The following DPYSL5 variants were observed in gnomAD, a reference collection of about 807,000 sequenced individuals.
The protein encoded by DPYSL5 is dihydropyrimidinase like 5, also known as dihydropyrimidinase-related protein 5.
A neutral mutation model predicts 58.4 loss-of-function variants in DPYSL5; 9 were observed. That is an observed-to-expected ratio of 0.15 (90% CI 0.09 to 0.27). DPYSL5 has a LOEUF of 0.27. Ranked by LOEUF, DPYSL5 falls within the 10% of genes least tolerant of loss-of-function variation. The pLI is 1.00. For missense variants in DPYSL5, 499 were observed against 770.6 expected, an observed-to-expected ratio of 0.65 and a Z score of 4.17; for synonymous variants, 293 against 301.9, an observed-to-expected ratio of 0.97 and a Z score of 0.31.
Position 26,898,156 on chromosome 2 carries a change from G to A in DPYSL5, c.-4-340G>A, listed in dbSNP as rs1362069546. 6.6e-6 allele frequency among the ~76,000 whole-genome samples: 1 copy of A among 152,152 alleles called. No homozygotes were observed. The highest frequency in any genetic ancestry group is 2.4e-5 in the African/African-American group (1 of 41,430). ...TCTCATCTGTAAAATGCCTTGGGTT[G>A]TTTTGGGGATAGTAGAGATATGAGA... On this transcript the variant is annotated intron_variant, in intron 1 of 12. Transcript: ENST00000288699. This position sits in a 1 kb window ranked among gnomAD's most constrained non-coding sequence, Gnocchi z 6.1.
rs1169333315 is a variant in DPYSL5, at chr2:26,888,265, C to CTTTG, written c.-4-10230_-4-10229insTTGT. 1.6e-3 allele frequency among the ~76,000 whole-genome samples: 184 copies of CTTTG among 115,914 alleles called. 1 individual carries two copies. The highest frequency in any genetic ancestry group is 5.8e-3 in the African/African-American group (182 of 31,650). 76.0% of individuals were successfully genotyped at this position (115,914 alleles called of 152,430 possible). On this transcript the variant is annotated intron_variant, in intron 1 of 12. Coordinates refer to ENST00000288699, the MANE Select transcript of DPYSL5 (RefSeq NM_020134.4). Reference sequence around the variant, plus strand: ...TCTTTCTTTCTTTCTTTCTTTCTTTCTGTCTTTCTTTCTGTCTTTCTTTCT... The same window carrying CTTTG: ...TCTTTCTTTCTTTCTTTCTTTCTTTCTTTGTGTCTTTCTTTCTGTCTTTCTTTCT...
chr2:26,884,520 T>TCTCACACACACACA (rs35489206), intron 1 of DPYSL5, among the ~76,000 whole-genome samples: 38 of 145,634 alleles, frequency 2.6e-4, no homozygotes, highest in Admixed American at 9.0e-4. Context: ...TTGTCCTATC[T>TCTCACACACACACA]CACACACACA....
At chr2:26,940,953 G>T (rs56088929) in intron 9 of DPYSL5, among the ~76,000 whole-genome samples, 129,100 of 138,622 alleles carry the variant, frequency 0.93, 60,278 homozygotes, top group East Asian at 0.98. Flanking sequence ...TTTTTTTTGT[G>T]TGTGATAGAA....
intron 1 of DPYSL5, among the ~76,000 whole-genome samples, chr2:26,865,861 A>C (rs1274701917): frequency 6.6e-6 from 1 of 152,208 alleles, no homozygotes; most frequent in African/African-American, 2.4e-5. Context: ...GATATCTGTA[A>C]CACACAGCCC....
At chr2:26,880,214 T>C (rs1050595438) in intron 1 of DPYSL5, among the ~76,000 whole-genome samples, 12 of 152,164 alleles carry the variant, frequency 7.9e-5, no homozygotes, top group Non-Finnish European at 1.8e-4. Flanking sequence ...GCTAGTGTCA[T>C]TCCCACTCTG....
In DPYSL5 at chr2:26,849,147, C is replaced by T. The variant is rs1427642596; in HGVS notation, c.-5+893C>T. 1.5e-4 allele frequency among the ~76,000 whole-genome samples: 9 copies of T among 58,180 alleles called. No homozygotes were observed. The highest frequency in any genetic ancestry group is 6.2e-4 in the African/African-American group (9 of 14,568). 38.2% of individuals were successfully genotyped at this position (58,180 alleles called of 152,430 possible). A position where few individuals can be genotyped will look rare whatever the true frequency, so the allele number is the denominator to read the frequency against. Reference sequence around the variant, plus strand: ...GGGTTTGAGGAGGAAAGAGAAGGGGCGGGGGCGGGTCCGAAGAACGAGGGA... The same window carrying T: ...GGGTTTGAGGAGGAAAGAGAAGGGGTGGGGGCGGGTCCGAAGAACGAGGGA... On this transcript the variant is annotated intron_variant, in intron 1 of 12. Coordinates refer to ENST00000288699, the MANE Select transcript of DPYSL5 (RefSeq NM_020134.4). The surrounding 1 kb of genome is among the most constrained non-coding windows in gnomAD (Gnocchi z 6.2).
At chr2:26,921,680 G>C (rs1664708872) in intron 2 of DPYSL5, among the ~76,000 whole-genome samples, 1 of 152,212 alleles carries the variant, frequency 6.6e-6, no homozygotes, top group African/African-American at 2.4e-5. Flanking sequence ...ATCAGTGTGT[G>C]GTGTGGGCTT....
intron 2 of DPYSL5, among the ~76,000 whole-genome samples, chr2:26,899,253 G>T (rs1245369565): frequency 6.6e-6 from 1 of 152,164 alleles, no homozygotes; most frequent in Non-Finnish European, 1.5e-5. Context: ...ATTGCTGGTG[G>T]TGGGCTCTCT....
intron 1 of DPYSL5, among the ~76,000 whole-genome samples, chr2:26,883,071 G>GT (rs1424688032): frequency 3.3e-5 from 5 of 151,226 alleles, no homozygotes; most frequent in African/African-American, 1.2e-4. Flanking sequence ...GTATTTGTAT[G>GT]TTTTTTTAAA....
At position 26,925,788 on chromosome 2, in the gene DPYSL5, T is replaced by A. The variant is rs1664816876; in HGVS notation, c.420+743T>A. On this transcript the variant is annotated intron_variant, in intron 3 of 12. Coordinates refer to ENST00000288699, the MANE Select transcript of DPYSL5 (RefSeq NM_020134.4). The surrounding 1 kb of genome is among the most constrained non-coding windows in gnomAD (Gnocchi z 4.5). ...GCTTTGTTTCTGGGGTTTTTCTGCT[T>A]TTTTGCCCAGGGTAGCAGTCTGGAT... Among the ~76,000 whole-genome samples the A allele has an allele frequency of 6.6e-6, 1 of 151,730 alleles. No homozygotes were observed. Among genetic ancestry groups the A allele is most frequent in the Non-Finnish European group, 1.5e-5 (1 of 67,910 alleles).
At chr2:26,866,922 C>T (rs1266488315) in intron 1 of DPYSL5, among the ~76,000 whole-genome samples, 5 of 151,740 alleles carry the variant, frequency 3.3e-5, no homozygotes, top group African/African-American at 7.3e-5. Flanking sequence ...TTAGTAGAGA[C>T]GGGGTTTCAC....
chr2:26,848,968 C>G (rs1393075037), intron 1 of DPYSL5, among the ~76,000 whole-genome samples: 1 of 152,160 alleles, frequency 6.6e-6, no homozygotes, highest in African/African-American at 2.4e-5. Context: ...CCGACGTCGA[C>G]GCCCCGGGCC....
chr2:26,855,828 G>A (rs978514334), intron 1 of DPYSL5, among the ~76,000 whole-genome samples: 6 of 152,138 alleles, frequency 3.9e-5, no homozygotes, highest in Non-Finnish European at 5.9e-5. Context: ...TGATACAGAA[G>A]CCGCCTCCTT....
At chr2:26,888,263 T>TTCTTTCTG (rs1553316449) in intron 1 of DPYSL5, among the ~76,000 whole-genome samples, 1 of 130,760 alleles carries the variant, frequency 7.6e-6, no homozygotes, top group Non-Finnish European at 1.7e-5. Flanking sequence ...CTTTCTTTCT[T>TTCTTTCTG]TCTGTCTTTC....
Position 26,924,062 on chromosome 2 carries a change from A to G in DPYSL5, c.262-825A>G, listed in dbSNP as rs1664766360. Among the ~76,000 whole-genome samples the G allele has an allele frequency of 6.6e-6, 1 of 152,244 alleles. No homozygotes were observed. The highest frequency in any genetic ancestry group is 2.4e-5 in the African/African-American group (1 of 41,458). Reference sequence around the variant, plus strand: ...TTTGGAACTTCACAGAAGTCCCCTGATGAAATTCACTTTTAAAAAGTTGAG... The same window carrying G: ...TTTGGAACTTCACAGAAGTCCCCTGGTGAAATTCACTTTTAAAAAGTTGAG... On this transcript the variant is annotated intron_variant, in intron 2 of 12. Coordinates refer to ENST00000288699, the MANE Select transcript of DPYSL5 (RefSeq NM_020134.4). The surrounding 1 kb of genome is among the most constrained non-coding windows in gnomAD (Gnocchi z 4.7).
intron 1 of DPYSL5, among the ~76,000 whole-genome samples, chr2:26,879,640 G>A (rs1396549158): frequency 2.0e-5 from 3 of 152,074 alleles, no homozygotes; most frequent in African/African-American, 7.2e-5. Flanking sequence ...CGTGTGTGAC[G>A]AGCTCTCCCA....
chr2:26,870,239 G>A (rs1176587645), intron 1 of DPYSL5, among the ~76,000 whole-genome samples: 1 of 152,090 alleles, frequency 6.6e-6, no homozygotes, highest in East Asian at 1.9e-4. Context: ...CACTTGAGTC[G>A]TTTTGTCCTG....
chr2:26,928,683 T>TA (rs1664886138), intron 5 of DPYSL5, among the ~76,000 whole-genome samples: 2 of 24,104 alleles, frequency 8.3e-5, no homozygotes, highest in Non-Finnish European at 1.7e-4. Flanking sequence ...GCCAAGGTGA[T>TA]AGAGTATATA....
In DPYSL5 at chr2:26,854,557, G is replaced by T. The variant is rs1366004964; in HGVS notation, c.-5+6303G>T. On this transcript the variant is annotated intron_variant, in intron 1 of 12. Coordinates refer to ENST00000288699, the MANE Select transcript of DPYSL5 (RefSeq NM_020134.4). ...CCTCAAGCTGAGAACCTTATGAGTT[G>T]GGTGTGAGATTCACAGTTAACTAAA... is the stretch of plus-strand genomic sequence containing the variant. Among the ~76,000 whole-genome samples the T allele has an allele frequency of 2.0e-5, 3 of 152,188 alleles. No homozygotes were observed. The East Asian group carries it at 5.8e-4, about 29-fold the overall frequency.
Sources: gnomAD v4.1 joint callset for allele counts (sites outside exome capture counted in the v4.1 genomes callset) on GRCh38, gnomAD v4.1.1 for gene constraint, Gnocchi (gnomAD v3.1) non-coding constraint, MANE v1.5 for transcripts, NCBI Gene and HGNC (gene_info 2026-07-23, HGNC 2026-07-21) for gene names.